PPP2R3B: variants seen among roughly 807,000 people sequenced by gnomAD.
PPP2R3B encodes protein phosphatase 2 regulatory subunit B''beta, also known as serine/threonine-protein phosphatase 2A regulatory subunit B'' subunit beta.
Under a neutral mutation model 72.9 loss-of-function variants are expected in PPP2R3B, and 68 were observed. The ratio of observed to expected loss-of-function variants is 0.93; its 90% CI spans 0.77 to 1.14. The LOEUF (loss-of-function observed/expected upper bound fraction) is 1.14. PPP2R3B is among the 50% of genes most tolerant of loss of function. The pLI is 0.00. For missense variants in PPP2R3B, 1,018 were observed against 842.0 expected, an observed-to-expected ratio of 1.21 and a Z score of -2.59; for synonymous variants, 466 against 375.8, an observed-to-expected ratio of 1.24 and a Z score of -2.78.
At chrX:379,430 G>A (rs1209602458) in intron 1 of PPP2R3B, among the ~76,000 whole-genome samples, 3 of 149,682 alleles carry the variant, frequency 2.0e-5, no homozygotes, top group Non-Finnish European at 4.5e-5. Flanking sequence ...ACCTGTGTTT[G>A]TGCATATGCA....
intron 2 of PPP2R3B, among the ~76,000 whole-genome samples, chrX:350,312 G>A (rs1176553417): frequency 2.6e-5 from 4 of 152,180 alleles, no homozygotes; most frequent in Non-Finnish European, 5.9e-5. Flanking sequence ...GAGGGACGCT[G>A]CACGGCTCTG....
intron 2 of PPP2R3B, among the ~76,000 whole-genome samples, chrX:351,660 C>T (rs1469265053): frequency 8.9e-6 from 1 of 111,836 alleles, no homozygotes; most frequent in African/African-American, 3.3e-5. Flanking sequence ...TTGCTGTTGC[C>T]CAGGCTGGAG....
chrX:352,302 C>T (rs1165662131), intron 2 of PPP2R3B, among the ~76,000 whole-genome samples: 13 of 152,252 alleles, frequency 8.5e-5, no homozygotes, highest in Non-Finnish European at 1.9e-4. Flanking sequence ...GGCAACGCGG[C>T]GGCACGCCCA....
intron 12 of PPP2R3B, chrX:338,394 A>G: frequency 1.6e-6 from 1 of 618,876 alleles, no homozygotes. Context: ...TGACGGGCAG[A>G]CTGCACCGAG....
Position 338,828 on chromosome X carries a change from T to A in PPP2R3B, c.1420A>T (p.Ile474Phe). The A allele has an allele frequency of 6.2e-7, 1 of 1,612,396 alleles. No individual in the cohort carries two copies. ...ANVFFDTFFN[I>F]EKYLDHEQKE... ...TGCTCGTGGTCGAGGTACTTCTCGA[T>A]GTTGAAGAAGGTGTCGAAGAAGACG... The change falls in exon 11 of 13, where the codon ATC becomes TTC. Residue 474 changes from isoleucine (I) to phenylalanine (F), a missense_variant. Transcript: ENST00000390665.
chrX:333,936 T>C lies in PPP2R3B; in HGVS notation c.*431A>G, dbSNP rs1285009489. ...GAGCCGAGCCCGTGACTGAAAATCC[T>C]CCAAACGTACAAGCGTGATCGCCAG... On this transcript the variant is annotated 3_prime_UTR_variant, in exon 13 of 13. Coordinates refer to ENST00000390665, the MANE Select transcript of PPP2R3B (RefSeq NM_013239.5). 2.5e-5 allele frequency: 4 copies of C among 157,456 alleles called. No homozygotes were observed. Among genetic ancestry groups the C allele is most frequent in the Admixed American group, 1.3e-4 (2 of 15,406 alleles). The allele number at this position is 157,456 out of a possible 1,614,324, so 9.8% of individuals were successfully genotyped here.
intron 1 of PPP2R3B, among the ~76,000 whole-genome samples, chrX:364,313 C>G (rs1042295572): frequency 2.6e-4 from 39 of 152,102 alleles, no homozygotes; most frequent in African/African-American, 9.2e-4. Context: ...CCCCCGAGAA[C>G]TGACGGCTAC....
At chrX:373,574 C>A in intron 1 of PPP2R3B, 1 of 287,012 alleles carries the variant, frequency 3.5e-6, no homozygotes, top group Non-Finnish European at 7.4e-6. Context: ...GAGAGGGCAG[C>A]ACGAAGTCGC....
intron 1 of PPP2R3B, chrX:373,543 C>A: frequency 4.2e-6 from 1 of 240,300 alleles, no homozygotes; most frequent in Non-Finnish European, 8.9e-6. Flanking sequence ...TGCTGGAAGG[C>A]CTTCAGCCGC....
At chrX:345,971 G>A (rs1419131424) in intron 6 of PPP2R3B, among the ~76,000 whole-genome samples, 16 of 145,922 alleles carry the variant, frequency 1.1e-4, no homozygotes, top group Non-Finnish European at 2.4e-4. Context: ...TAGATCAACC[G>A]TGGACCCCCA....
Position 370,355 on chromosome X carries a change from G to A in PPP2R3B, c.325-8765C>T, listed in dbSNP as rs753771583. On this transcript the variant is annotated intron_variant, in intron 1 of 12. Transcript: ENST00000390665. ...CGGGCCTCAACGGACGCTGAGAGAC[G>A]TCGGCTGGGGCCTGCACCCACACCT... 2.3e-3 allele frequency among the ~76,000 whole-genome samples: 353 copies of A among 152,304 alleles called. 1 individual carries two copies. Among genetic ancestry groups the A allele is most frequent in the African/African-American group, 7.7e-3 (321 of 41,574 alleles).
chrX:350,468 T>C (rs2071306636), intron 2 of PPP2R3B, among the ~76,000 whole-genome samples: 1 of 152,204 alleles, frequency 6.6e-6, no homozygotes, highest in East Asian at 1.9e-4. Flanking sequence ...GAAATGTCTC[T>C]GCAAGGCGAG....
chrX:358,805 T>C (rs2071485164), intron 2 of PPP2R3B, among the ~76,000 whole-genome samples: 2 of 103,260 alleles, frequency 1.9e-5, no homozygotes, highest in Admixed American at 2.2e-4. Flanking sequence ...GGGTGGCCGC[T>C]GTGGGGGGCG....
At chrX:353,841 G>GC (rs1285368690) in intron 2 of PPP2R3B, among the ~76,000 whole-genome samples, 23 of 133,338 alleles carry the variant, frequency 1.7e-4, no homozygotes, top group Admixed American at 1.6e-3. Context: ...AAAGACCGGG[G>GC]CTCGCCCAGG....
chrX:338,343 C>T (rs1343988361), intron 12 of PPP2R3B: 36 of 588,996 alleles, frequency 6.1e-5, no homozygotes, highest in African/African-American at 1.5e-4. Context: ...GCCTGATGTG[C>T]GAAGCCTCGC....
intron 1 of PPP2R3B, among the ~76,000 whole-genome samples, chrX:370,282 C>T (rs1343295710): frequency 1.3e-5 from 2 of 152,202 alleles, no homozygotes; most frequent in Non-Finnish European, 1.5e-5. Context: ...TAGGCCAGAG[C>T]TCACGTGGGC....
At chrX:378,563 T>G (rs112542511) in intron 1 of PPP2R3B, among the ~76,000 whole-genome samples, 1 of 152,148 alleles carries the variant, frequency 6.6e-6, no homozygotes, top group Non-Finnish European at 1.5e-5. Context: ...ACCCTGCAGG[T>G]GCCGTCTGCA....
chrX:350,984 C>T (rs1209250998), intron 2 of PPP2R3B, among the ~76,000 whole-genome samples: 1 of 152,122 alleles, frequency 6.6e-6, no homozygotes, highest in African/African-American at 2.4e-5. Context: ...CAGAGTCGTC[C>T]TGACAGGTGC....
intron 6 of PPP2R3B, 68 bp from the exon 7 acceptor site, chrX:345,740 G>A (rs1409346462): frequency 1.3e-6 from 2 of 1,572,970 alleles, no homozygotes; most frequent in Non-Finnish European, 1.7e-6. Flanking sequence ...GCCTGGCTGC[G>A]GGCGGGGCAG....
Sources: allele counts gnomAD v4.1 joint callset (sites outside exome capture counted in the v4.1 genomes callset), GRCh38; gene constraint gnomAD v4.1.1; transcripts MANE v1.5; gene names NCBI Gene and HGNC (gene_info 2026-07-23, HGNC 2026-07-21).